Variants in ITGA1 observed in about 807,000 individuals in gnomAD.
ITGA1 encodes the protein integrin alpha-1.
A neutral mutation model predicts 145.9 loss-of-function variants in ITGA1; 85 were observed. The ratio of observed to expected loss-of-function variants is 0.58; its 90% CI spans 0.49 to 0.70. The LOEUF is 0.70. ITGA1 is among the 30% of genes least tolerant of loss of function. The probability of loss-of-function intolerance (pLI) is 0.00; values close to 1 mark genes in which losing one functional copy is unlikely to be tolerated. For missense variants in ITGA1, 1,351 were observed against 1,418.7 expected, an observed-to-expected ratio of 0.95 and a Z score of 0.77; for synonymous variants, 520 against 495.3, an observed-to-expected ratio of 1.05 and a Z score of -0.66.
intron 12 of ITGA1, 32 bp from the exon 13 acceptor site, chr5:52,908,866 A>C: frequency 2.5e-6 from 4 of 1,608,994 alleles, no homozygotes; most frequent in Non-Finnish European, 3.4e-6. Flanking sequence ...TCTGTTGTTC[A>C]TTGGGCTGTT....
intron 1 of ITGA1, among the ~76,000 whole-genome samples, chr5:52,806,294 C>A (rs1186220432): frequency 1.3e-5 from 2 of 150,804 alleles, no homozygotes; most frequent in African/African-American, 2.4e-5. Context: ...ATCAATTATG[C>A]CTTTTTAGGA....
intron 9 of ITGA1, among the ~76,000 whole-genome samples, chr5:52,895,725 A>G (rs1750213932): frequency 6.6e-6 from 1 of 152,182 alleles, no homozygotes; most frequent in Non-Finnish European, 1.5e-5. Context: ...GACAGGTTGA[A>G]GAGCCCAAAC....
intron 1 of ITGA1, chr5:52,801,193 A>C: frequency 7.1e-7 from 1 of 1,404,644 alleles, no homozygotes; most frequent in Non-Finnish European, 9.7e-7. Context: ...AAAGTTTTAG[A>C]ACTGGGAAAA....
chr5:52,837,220 G>A (rs1021408713), intron 1 of ITGA1, among the ~76,000 whole-genome samples: 1 of 152,118 alleles, frequency 6.6e-6, no homozygotes, highest in African/African-American at 2.4e-5. Context: ...ACACTCCAGC[G>A]CCAGCCGAGA....
Position 52,851,863 on chromosome 5 carries a change from A to G in ITGA1, c.182+2378A>G, listed in dbSNP as rs559383729. Among the ~76,000 whole-genome samples the G allele has an allele frequency of 2.0e-5, 3 of 152,322 alleles. No individual in the cohort carries two copies. In the East Asian group the frequency reaches 5.8e-4, roughly 29 times the overall value. On this transcript the variant is annotated intron_variant, in intron 2 of 28. Transcript: ENST00000282588. ...CAATCAACATGTATTTATGTAATAC[A>G]TTTTATGTGTCTGGCATTATGCTAA...
intron 6 of ITGA1, among the ~76,000 whole-genome samples, chr5:52,871,807 G>A (rs1260739678): frequency 6.6e-6 from 1 of 152,062 alleles, no homozygotes; most frequent in Non-Finnish European, 1.5e-5. Context: ...AGGAATTTTT[G>A]TCAACCAATT....
Position 52,926,471 on chromosome 5 carries a change from AC to A in ITGA1, c.2613+985del, listed in dbSNP as rs551356023. On this transcript the variant is annotated intron_variant, in intron 19 of 28. Coordinates refer to ENST00000282588, the MANE Select transcript of ITGA1 (RefSeq NM_181501.2). ...CAAAAAATTAGCAAGGCATGGTGGC[AC>A]ACACCTGTAGTCCCAGCTACTCAGG... Among the ~76,000 whole-genome samples the A allele has an allele frequency of 2.1e-4, 31 of 149,274 alleles. No individual in the cohort carries two copies. In the East Asian group the frequency reaches 5.7e-3, roughly 27 times the overall value.
intron 1 of ITGA1, among the ~76,000 whole-genome samples, chr5:52,808,962 G>A (rs1222714585): frequency 6.6e-6 from 1 of 151,830 alleles, no homozygotes; most frequent in Non-Finnish European, 1.5e-5. Context: ...AGTCATTTGG[G>A]GTAGAGGAAC....
At chr5:52,801,850 C>G in intron 1 of ITGA1, 1 of 1,557,360 alleles carries the variant, frequency 6.4e-7, no homozygotes, top group Non-Finnish European at 8.7e-7. Flanking sequence ...ATGATTGAAA[C>G]TTAAAATTGA....
intron 18 of ITGA1, 28 bp downstream of exon 18, chr5:52,922,915 A>C: frequency 7.7e-7 from 1 of 1,299,032 alleles, no homozygotes; most frequent in Non-Finnish European, 1.1e-6. Flanking sequence ...AAAATACAAA[A>C]TACCAACTTG....
intron 1 of ITGA1, among the ~76,000 whole-genome samples, chr5:52,791,440 T>C (rs1343071775): frequency 6.6e-6 from 1 of 152,104 alleles, no homozygotes; most frequent in Non-Finnish European, 1.5e-5. Context: ...ATGCAGCTAG[T>C]GACAAAATTG....
chr5:52,927,991 G>C (rs192328817), intron 20 of ITGA1, among the ~76,000 whole-genome samples: 5 of 152,254 alleles, frequency 3.3e-5, no homozygotes. Context: ...TACCATGTCA[G>C]AACACATAGC....
In ITGA1 at chr5:52,911,585, GTGTATCTAC is replaced by G. The variant is rs1561246391; in HGVS notation, c.1857+1168_1857+1176del. Among the ~76,000 whole-genome samples the G allele has an allele frequency of 2.7e-4, 16 of 60,026 alleles. 1 individual carries two copies. The highest frequency in any genetic ancestry group is 9.3e-4 in the African/African-American group (16 of 17,162). 39.4% of individuals were successfully genotyped at this position (60,026 alleles called of 152,430 possible). A position where few individuals can be genotyped will look rare whatever the true frequency, so the allele number is the denominator to read the frequency against. ...ATCTACTATATATACTATATATATAGTGTATCTACTATATATACTATATATATAGTGTAT... is the reference window on the plus strand; with the variant it reads ...ATCTACTATATATACTATATATATAGTATATATACTATATATATAGTGTAT... On this transcript the variant is annotated intron_variant, in intron 14 of 28. Coordinates refer to ENST00000282588, the MANE Select transcript of ITGA1 (RefSeq NM_181501.2).
At chr5:52,883,957 T>G (rs919352687) in intron 7 of ITGA1, among the ~76,000 whole-genome samples, 14 of 152,170 alleles carry the variant, frequency 9.2e-5, no homozygotes, top group African/African-American at 3.4e-4. Context: ...TGAAAGGCCT[T>G]TTAATCATCT....
At position 52,795,577 on chromosome 5, in the gene ITGA1, G is replaced by A. The variant is rs998485959; in HGVS notation, c.61+7163G>A. On this transcript the variant is annotated intron_variant, in intron 1 of 28. Transcript: ENST00000282588. ...ATGAACCATTTTATTCAGTAGAGCT[G>A]AATAACATAAATAACATAAATAAAT... Among the ~76,000 whole-genome samples, 71 of 151,898 alleles carry A rather than the reference G, an allele frequency of 4.7e-4. 1 individual carries two copies. Among genetic ancestry groups the A allele is most frequent in the Non-Finnish European group, 1.2e-4 (8 of 67,770 alleles).
intron 1 of ITGA1, among the ~76,000 whole-genome samples, chr5:52,833,689 G>C (rs901027825): frequency 1.3e-5 from 2 of 152,058 alleles, no homozygotes; most frequent in East Asian, 1.9e-4. Context: ...TTTAGAACAA[G>C]GTTATTTTGT....
chr5:52,854,157 A>T (rs1025772932), intron 2 of ITGA1, among the ~76,000 whole-genome samples: 17 of 152,178 alleles, frequency 1.1e-4, no homozygotes, highest in African/African-American at 3.6e-4. Context: ...TTTATCAATT[A>T]TCTTGACTTC....
At chr5:52,850,246 C>T (rs1749408611) in intron 2 of ITGA1, among the ~76,000 whole-genome samples, 1 of 152,066 alleles carries the variant, frequency 6.6e-6, no homozygotes, top group African/African-American at 2.4e-5. Flanking sequence ...GTGATCCACC[C>T]ACCTCAGCCT....
intron 9 of ITGA1, among the ~76,000 whole-genome samples, chr5:52,897,110 T>C (rs190421961): frequency 7.2e-5 from 11 of 152,224 alleles, no homozygotes; most frequent in Non-Finnish European, 1.5e-4. Context: ...TGGACAGGAA[T>C]TTCCTACTGT....
Sources: gnomAD v4.1 joint callset for allele counts (sites outside exome capture counted in the v4.1 genomes callset) on GRCh38, gnomAD v4.1.1 for gene constraint, MANE v1.5 for transcripts, NCBI Gene and HGNC (gene_info 2026-07-23, HGNC 2026-07-21) for gene names.